Variants in KRT73 observed in about 807,000 individuals in gnomAD.
KRT73 encodes keratin 73.
A neutral mutation model predicts 47.2 loss-of-function variants in KRT73; 44 were observed. The ratio of observed to expected loss-of-function variants is 0.93; its 90% CI spans 0.73 to 1.20. The LOEUF (loss-of-function observed/expected upper bound fraction) is 1.20. KRT73 is among the 50% of genes most tolerant of loss of function. KRT73 has a pLI of 0.00. For synonymous variants in KRT73, 285 were observed against 291.3 expected, an observed-to-expected ratio of 0.98 and a Z score of 0.22; for missense variants, 713 against 704.5, an observed-to-expected ratio of 1.01 and a Z score of -0.14.
upstream of KRT73, among the ~76,000 whole-genome samples, chr12:52,622,655 AT>A (rs1940923284): frequency 6.6e-6 from 1 of 151,820 alleles, no homozygotes; most frequent in Admixed American, 6.6e-5. Flanking sequence ...CTTCTATCCC[AT>A]TTCTCTCCCT....
At chr12:52,611,741 C>T (rs1384016651) in intron 5 of KRT73, among the ~76,000 whole-genome samples, 3 of 152,174 alleles carry the variant, frequency 2.0e-5, no homozygotes, top group Non-Finnish European at 4.4e-5. Flanking sequence ...TCCCACACTT[C>T]CCCCAGATGT....
At chr12:52,626,933 C>T in the KRT73 span, among the ~76,000 whole-genome samples, 1 of 152,234 alleles carries the variant, frequency 6.6e-6, no homozygotes, top group Non-Finnish European at 1.5e-5. Flanking sequence ...GAAGGGCTCT[C>T]TTGTCCTGAT....
upstream of KRT73, among the ~76,000 whole-genome samples, chr12:52,620,116 T>TC (rs1940878552): frequency 3.5e-5 from 5 of 144,566 alleles, no homozygotes; most frequent in Admixed American, 2.7e-4. Context: ...TTTCTTTTTT[T>TC]TTTTTTTTTT....
chr12:52,615,453 T>G (rs1389894450), intron 2 of KRT73, 114 bp from the exon 3 acceptor site: 11 of 788,314 alleles, frequency 1.4e-5, no homozygotes, highest in Non-Finnish European at 1.8e-5. Context: ...AGAGGTATTA[T>G]TCTATACCTT....
chr12:52,627,677 G>A, the KRT73 span, among the ~76,000 whole-genome samples: 2 of 152,156 alleles, frequency 1.3e-5, no homozygotes, highest in African/African-American at 4.8e-5. Context: ...AATAATGATA[G>A]CAACACTATT....
Position 52,610,700 on chromosome 12 carries a change from C to T in KRT73, c.1246G>A (p.Glu416Lys), listed in dbSNP as rs776975828. The change falls in exon 7 of 9, where the codon GAG becomes AAG. Residue 416 changes from glutamate to lysine, a missense_variant. Glu to Lys is a moderately conservative substitution (Grantham distance 56). Transcript: ENST00000305748. ...TTCACGCTCAAAAGCTCTTGGTACT[C>T]GCGCAGCATCCGTGCCAGCTCCTCC... is the stretch of plus-strand genomic sequence containing the variant. ...AKEELARMLR[E>K]YQELLSVKLS... 54 of 1,614,046 alleles carry T rather than the reference C, an allele frequency of 3.3e-5. No homozygotes were observed. The highest frequency in any genetic ancestry group is 1.7e-4 in the Middle Eastern group (1 of 6,060).
At chr12:52,615,392 A>T in intron 2 of KRT73, 53 bp from the exon 3 acceptor site, 3 of 1,403,316 alleles carry the variant, frequency 2.1e-6, no homozygotes, top group East Asian at 2.3e-5. Context: ...GTGTGTGTAT[A>T]CGTTCTCATA....
At chr12:52,617,689 C>T (rs1401777551) in intron 1 of KRT73, among the ~76,000 whole-genome samples, 1 of 152,194 alleles carries the variant, frequency 6.6e-6, no homozygotes, top group African/African-American at 2.4e-5. Context: ...TCAGAGACCG[C>T]TCTCATTGCT....
intron 7 of KRT73, 73 bp downstream of exon 7, chr12:52,610,542 C>T (rs556606983): frequency 4.0e-5 from 15 of 375,472 alleles, no homozygotes; most frequent in South Asian, 1.7e-4. Context: ...CCCTCCCCCC[C>T]GCCCCCAACC....
chr12:52,608,969 CAGA>C (rs1940640378), intron 8 of KRT73, among the ~76,000 whole-genome samples: 2 of 152,096 alleles, frequency 1.3e-5, no homozygotes, highest in South Asian at 4.2e-4. Context: ...GTGGGGGTGA[CAGA>C]AGAGGGGAGG....
chr12:52,615,840 CGGGTGGGTGGG>C (rs1044220733), intron 2 of KRT73, among the ~76,000 whole-genome samples: 2 of 151,346 alleles, frequency 1.3e-5, no homozygotes, highest in African/African-American at 4.8e-5. Flanking sequence ...CAGAGAGCAG[CGGGTGGGTGGG>C]GGGTGGTTCT....
At chr12:52,623,859 A>G in the KRT73 span, among the ~76,000 whole-genome samples, 12 of 152,252 alleles carry the variant, frequency 7.9e-5, no homozygotes, top group Non-Finnish European at 1.3e-4. Context: ...ATAAATCAAA[A>G]TGGATTCTTA....
At position 52,610,660 on chromosome 12, in the gene KRT73, A is replaced by G. The variant is rs1940679404; in HGVS notation, c.1286T>C (p.Ile429Thr). ...ELLSVKLSLD[I>T]EIATYRKLLE... ...CAGCTTGCGGTAGGTGGCGATCTCA[A>G]TATCCAGGGACAGCTTCACGCTCAA... The change falls in exon 7 of 9, where the codon ATT (isoleucine) becomes ACT (threonine). Residue 429 changes from isoleucine (I) to threonine (T), a missense_variant. Ile to Thr is a moderately conservative substitution (Grantham distance 89). Transcript: ENST00000305748. 1 of 1,613,188 alleles carries G rather than the reference A, an allele frequency of 6.2e-7. No individual in the cohort carries two copies. The highest frequency in any genetic ancestry group is 1.3e-5 in the African/African-American group (1 of 74,596).
intron 7 of KRT73, 136 bp downstream of exon 7, chr12:52,610,479 G>T: frequency 1.3e-6 from 1 of 795,422 alleles, no homozygotes; most frequent in Non-Finnish European, 2.0e-6. Context: ...CTGGCAGGAT[G>T]CTGTTTGAAA....
rs1256280911 is a variant in KRT73, at chr12:52,616,189, T to A, written c.639A>T (p.Glu213Asp). 2 of 1,613,990 alleles carry A rather than the reference T, an allele frequency of 1.2e-6. No individual in the cohort carries two copies. Among genetic ancestry groups the A allele is most frequent in the African/African-American group, 2.7e-5 (2 of 74,924 alleles). Residue 213 changes from glutamate to aspartate, a missense_variant, in exon 2 of 9, where the codon GAA becomes GAT. Physicochemically the swap from Glu to Asp is conservative, Grantham distance 45. Transcript: ENST00000305748. ...ACCTCTTCTTGTAGTCCTCCACCAC[T>A]TCGCGCACGCTCCTCAGCTCCGAGT... ...RLDSELRSVR[E>D]VVEDYKKRYE... is the part of the protein sequence containing the mutation.
At chr12:52,623,522 A>T (rs1358458858), upstream of KRT73, among the ~76,000 whole-genome samples, 1 of 152,222 alleles carries the variant, frequency 6.6e-6, no homozygotes. Flanking sequence ...AGACAACTTG[A>T]AACATTAGGA....
upstream of KRT73, among the ~76,000 whole-genome samples, chr12:52,623,252 T>C (rs1940928343): frequency 6.6e-6 from 1 of 152,230 alleles, no homozygotes; most frequent in South Asian, 2.1e-4. Flanking sequence ...ATGCTTTACC[T>C]TTAGGGAAAA....
At chr12:52,627,927 G>A in the KRT73 span, among the ~76,000 whole-genome samples, 1 of 152,232 alleles carries the variant, frequency 6.6e-6, no homozygotes, top group South Asian at 2.1e-4. Flanking sequence ...GTGTGCACAT[G>A]TGCACATGTG....
the KRT73 span, among the ~76,000 whole-genome samples, chr12:52,629,639 C>A: frequency 6.6e-6 from 1 of 152,196 alleles, no homozygotes; most frequent in African/African-American, 2.4e-5. Flanking sequence ...GCAAATCCAC[C>A]CCCACCTATG....
Sources: allele counts gnomAD v4.1 joint callset (sites outside exome capture counted in the v4.1 genomes callset), GRCh38; gene constraint gnomAD v4.1.1; transcripts MANE v1.5; gene names NCBI Gene and HGNC (gene_info 2026-07-23, HGNC 2026-07-21).